The following UPB1 variants were observed in gnomAD, a reference collection of about 807,000 sequenced individuals.
UPB1 encodes beta-ureidopropionase 1.
A neutral mutation model predicts 49.1 loss-of-function variants in UPB1; 40 were observed. The observed-to-expected ratio is 0.81, with a 90% CI of 0.63 to 1.06. The LOEUF (loss-of-function observed/expected upper bound fraction) is 1.06. Among genes scored for constraint, UPB1 ranks in the 50% least tolerant of loss-of-function variants. The probability of loss-of-function intolerance (pLI) is 0.00; values close to 1 mark genes in which losing one functional copy is unlikely to be tolerated. For missense variants in UPB1, 499 were observed against 505.9 expected (o/e 0.99, Z 0.13); for synonymous variants, 207 against 198.2 (o/e 1.04, Z -0.38).
intron 1 of UPB1, 69 bp downstream of exon 1, chr22:24,495,576 G>C (rs1470068928): frequency 1.3e-6 from 2 of 1,564,158 alleles, no homozygotes; most frequent in Admixed American, 3.4e-5. Context: ...GGAGCAGGCA[G>C]GGAGGGCCTC....
chr22:24,521,052 AC>A lies in UPB1; in HGVS notation c.873+585del, dbSNP rs556340666. On this transcript the variant is annotated intron_variant, in intron 7 of 9. Transcript: ENST00000326010. Reference sequence around the variant, plus strand: ...ATAAAAATTAGCAGGGCAGGCTGGCACGTGCCTGTGATTCCAGCTACTCAGG... The same window carrying A: ...ATAAAAATTAGCAGGGCAGGCTGGCAGTGCCTGTGATTCCAGCTACTCAGG... Among the ~76,000 whole-genome samples, 242 of 151,992 alleles carry A rather than the reference AC, an allele frequency of 1.6e-3. 1 individual carries two copies. The highest frequency in any genetic ancestry group is 3.4e-3 in the Middle Eastern group (1 of 294).
At chr22:24,502,903 T>A (rs2044020298) in intron 3 of UPB1, 1 of 188,670 alleles carries the variant, frequency 5.3e-6, no homozygotes, top group Non-Finnish European at 1.1e-5. Context: ...ATTCCTTTTC[T>A]TTTTTTTTAA....
intron 6 of UPB1, among the ~76,000 whole-genome samples, chr22:24,515,944 C>T (rs937266229): frequency 9.9e-5 from 15 of 152,172 alleles, no homozygotes; most frequent in African/African-American, 3.6e-4. Context: ...CCACTGCACT[C>T]CAGCCTGGTG....
intron 2 of UPB1, 85 bp from the exon 3 acceptor site, chr22:24,502,041 A>G: frequency 7.0e-7 from 1 of 1,427,714 alleles, no homozygotes; most frequent in Non-Finnish European, 9.9e-7. Context: ...GTGGGCATTG[A>G]TTTTTCCATA....
rs373673403 is a variant in UPB1 at position 24,500,187 on chromosome 22, C to G, written c.185C>G (p.Ala62Gly). 6.2e-7 allele frequency: 1 copy of G among 1,614,194 alleles called. No individual in the cohort carries two copies. The highest frequency in any genetic ancestry group is 1.1e-5 in the South Asian group (1 of 91,088). The change falls in exon 2 of 10, where the codon GCG becomes GGG. Residue 62 changes from alanine (A) to glycine (G), a missense_variant. Ala to Gly is a moderately conservative substitution (Grantham distance 60). Transcript: ENST00000326010. ...FELQGYAFEA[A>G]EEQLRRPRIV... ...CTGCAGGGATATGCCTTTGAAGCAG[C>G]GGAGGAGCAGCTGAGACGACCCCGC...
chr22:24,500,998 A>G (rs2043985583), intron 2 of UPB1, among the ~76,000 whole-genome samples: 1 of 152,088 alleles, frequency 6.6e-6, no homozygotes, highest in Non-Finnish European at 1.5e-5. Flanking sequence ...CATCATTCAC[A>G]TTGGTCCTTC....
At chr22:24,525,162 G>A in intron 9 of UPB1, among the ~76,000 whole-genome samples, 1 of 152,128 alleles carries the variant, frequency 6.6e-6, no homozygotes, top group East Asian at 1.9e-4. Flanking sequence ...CTTTGGTAAT[G>A]GGCCTGAGCT....
chr22:24,519,579 C>T (rs2044352649), intron 6 of UPB1, among the ~76,000 whole-genome samples: 1 of 152,150 alleles, frequency 6.6e-6, no homozygotes, highest in African/African-American at 2.4e-5. Flanking sequence ...CATGGGGTGC[C>T]TCCCTCCTGG....
chr22:24,522,670 GC>G, intron 8 of UPB1, among the ~76,000 whole-genome samples: 1 of 151,848 alleles, frequency 6.6e-6, no homozygotes, highest in Non-Finnish European at 1.5e-5. Context: ...GGTGTCTCAT[GC>G]CTGTAATCCC....
chr22:24,517,940 G>A (rs575454157), intron 6 of UPB1, among the ~76,000 whole-genome samples: 154 of 152,200 alleles, frequency 1.0e-3, no homozygotes, highest in Non-Finnish European at 1.4e-3. Flanking sequence ...CAAGGCTGGC[G>A]GATCACTTGA....
chr22:24,521,947 C>T (rs1490724620), intron 7 of UPB1, 39 bp from the exon 8 acceptor site: 2 of 1,609,984 alleles, frequency 1.2e-6, no homozygotes, highest in East Asian at 2.2e-5. Flanking sequence ...AGTGGTAGTG[C>T]CACCTATAGG....
intron 3 of UPB1, among the ~76,000 whole-genome samples, chr22:24,507,957 A>G (rs1274689025): frequency 6.6e-6 from 1 of 151,922 alleles, no homozygotes. Flanking sequence ...CCAGCCCCCC[A>G]ATATAACCAA....
chr22:24,496,336 A>T (rs998460317), intron 1 of UPB1, among the ~76,000 whole-genome samples: 1 of 150,372 alleles, frequency 6.7e-6, no homozygotes, highest in Non-Finnish European at 1.5e-5. Context: ...TCTCCTCTGC[A>T]CTCCAGCCTG....
chr22:24,525,801 T>G lies in UPB1; in HGVS notation c.*7T>G. On this transcript the variant is annotated 3_prime_UTR_variant, in exon 10 of 10. Transcript: ENST00000326010. Reference sequence around the variant, plus strand: ...CACCATCGTGAAAGAGTAGCCGGCTTCAGTGCCTGCCTTGGGGTGAGGAAG... The same window carrying G: ...CACCATCGTGAAAGAGTAGCCGGCTGCAGTGCCTGCCTTGGGGTGAGGAAG... 6.2e-7 allele frequency: 1 copy of G among 1,614,172 alleles called. No individual in the cohort carries two copies. The highest frequency in any genetic ancestry group is 8.5e-7 in the Non-Finnish European group (1 of 1,180,016).
chr22:24,521,199 AG>A (rs1259047689), intron 7 of UPB1, among the ~76,000 whole-genome samples: 2 of 149,500 alleles, frequency 1.3e-5, no homozygotes, highest in African/African-American at 2.5e-5. Flanking sequence ...AAAAAAAAAA[AG>A]GCCAGGTGCG....
chr22:24,523,666 CCT>C lies in UPB1; in HGVS notation c.965_966del (p.Pro322ArgfsTer11). 1 of 1,614,270 alleles carries C rather than the reference CCT, an allele frequency of 6.2e-7. No homozygotes were observed. Among genetic ancestry groups the C allele is most frequent in the Non-Finnish European group, 8.5e-7 (1 of 1,180,040 alleles). ...TTATGGCTCGAGCTATGTGGCAGCCCCTGACAGCAGCCGGACTCCTGGGCTGT... is the reference window on the plus strand; with the variant it reads ...TTATGGCTCGAGCTATGTGGCAGCCCGACAGCAGCCGGACTCCTGGGCTGT... ...YFYGSSYVAA[P>X]DSSRTPGLSR... On this transcript the variant is annotated frameshift_variant, in exon 9 of 10. Transcript: ENST00000326010. LOFTEE classifies it high-confidence loss of function.
Position 24,495,378 on chromosome 22 carries a change from G to T in UPB1, c.-26G>T. 4 of 1,611,356 alleles carry T rather than the reference G, an allele frequency of 2.5e-6. No homozygotes were observed. The highest frequency in any genetic ancestry group is 3.4e-6 in the Non-Finnish European group (4 of 1,179,676). On this transcript the variant is annotated 5_prime_UTR_variant, in exon 1 of 10. Transcript: ENST00000326010. ...GCAAAGGGCAGGCAGTTCGTGCGCG[G>T]ACACAAGCACTGGCGGACCGTGGCC...
intron 2 of UPB1, 72 bp downstream of exon 2, chr22:24,500,350 C>T: frequency 6.2e-7 from 1 of 1,600,002 alleles, no homozygotes. Flanking sequence ...ACCTGCAGGC[C>T]CTGGCTGGCC....
Position 24,500,226 on chromosome 22 carries a change from G to A in UPB1, c.224G>A (p.Gly75Glu). 1 of 1,614,194 alleles carries A rather than the reference G, an allele frequency of 6.2e-7. No homozygotes were observed. Among genetic ancestry groups the A allele is most frequent in the Non-Finnish European group, 8.5e-7 (1 of 1,180,034 alleles). The change falls in exon 2 of 10, where the codon GGG (glycine) becomes GAG (glutamate). Residue 75 changes from glycine (G) to glutamate (E), a missense_variant. Physicochemically the swap from Gly to Glu is moderately conservative, Grantham distance 98 (BLOSUM62 -2). Coordinates refer to ENST00000326010, the MANE Select transcript of UPB1 (RefSeq NM_016327.3). The stretch of plus-strand genomic sequence containing the variant: ...AGACGACCCCGCATTGTGCACGTGG[G>A]GCTGGTTCAGAACAGAATCCCCCTC... The part of the protein sequence containing the change: ...QLRRPRIVHV[G>E]LVQNRIPLPA...
Sources: allele counts gnomAD v4.1 joint callset (sites outside exome capture counted in the v4.1 genomes callset), GRCh38; gene constraint gnomAD v4.1.1; transcripts MANE v1.5; gene names NCBI Gene and HGNC (gene_info 2026-07-23, HGNC 2026-07-21).